The following AP2B1 variants were observed in gnomAD, a reference collection of about 807,000 sequenced individuals.
AP2B1 encodes the protein adaptor related protein complex 2 subunit beta 1.
A neutral mutation model predicts 102.0 loss-of-function variants in AP2B1; 23 were observed. The ratio of observed to expected loss-of-function variants is 0.23; its 90% confidence interval spans 0.16 to 0.32. The LOEUF is 0.32. AP2B1 is among the 10% of genes least tolerant of loss of function. AP2B1 has a pLI of 1.00. For synonymous variants in AP2B1, 381 were observed against 421.2 expected (o/e 0.90, Z 1.17); for missense variants, 541 against 1,157.4 (o/e 0.47, Z 7.73).
intron 5 of AP2B1, among the ~76,000 whole-genome samples, chr17:35,618,750 A>G (rs1469228614): frequency 1.3e-5 from 2 of 152,076 alleles, no homozygotes; most frequent in African/African-American, 4.8e-5. Flanking sequence ...TTCTAACCAT[A>G]CCTACTGTAC....
chr17:35,661,585 TG>T (rs1316284173), intron 14 of AP2B1, among the ~76,000 whole-genome samples: 1 of 152,242 alleles, frequency 6.6e-6, no homozygotes, highest in Non-Finnish European at 1.5e-5. Flanking sequence ...AGAAGTTGAC[TG>T]GAAGTTGAAT....
chr17:35,640,245 T>TA (rs1322712512), intron 11 of AP2B1, among the ~76,000 whole-genome samples: 5 of 133,612 alleles, frequency 3.7e-5, no homozygotes, highest in African/African-American at 1.4e-4. Context: ...TTTTTTTTTT[T>TA]TTTTTTTTTT....
chr17:35,607,969 A>G, intron 4 of AP2B1, 173 bp from the exon 5 acceptor site: 4 of 725,266 alleles, frequency 5.5e-6, no homozygotes, highest in Non-Finnish European at 8.9e-6. Flanking sequence ...ACTCTTAAAT[A>G]GGGCAGCTAA....
intron 18 of AP2B1, among the ~76,000 whole-genome samples, chr17:35,688,831 G>T (rs180880196): frequency 1.3e-5 from 2 of 152,176 alleles, no homozygotes; most frequent in African/African-American, 4.8e-5. Context: ...AGGCATGGTG[G>T]CACACGCCTA....
At chr17:35,634,249 T>G (rs1358072744) in intron 9 of AP2B1, among the ~76,000 whole-genome samples, 1 of 152,262 alleles carries the variant, frequency 6.6e-6, no homozygotes, top group Non-Finnish European at 1.5e-5. Context: ...TTATAGAATT[T>G]CCCACAGTCT....
chr17:35,718,689 A>G (rs2085260675), intron 21 of AP2B1, among the ~76,000 whole-genome samples: 1 of 152,116 alleles, frequency 6.6e-6, no homozygotes, highest in Admixed American at 6.5e-5. Context: ...CTCAATTGGA[A>G]GAAAAAAAGG....
intron 12 of AP2B1, among the ~76,000 whole-genome samples, chr17:35,647,522 C>T (rs2074968267): frequency 6.6e-6 from 1 of 151,928 alleles, no homozygotes; most frequent in Non-Finnish European, 1.5e-5. Context: ...TATACATATA[C>T]ACATACACAC....
chr17:35,679,391 CTT>C (rs76352263), intron 17 of AP2B1, among the ~76,000 whole-genome samples: 1 of 142,810 alleles, frequency 7.0e-6, no homozygotes, highest in African/African-American at 2.6e-5. Context: ...GACTTGCTAC[CTT>C]TTTTTTTTTT....
intron 5 of AP2B1, among the ~76,000 whole-genome samples, chr17:35,614,922 C>G (rs889151083): frequency 1.3e-5 from 2 of 152,256 alleles, no homozygotes; most frequent in East Asian, 3.9e-4. Context: ...GGTTCTCAAC[C>G]AGGAGTGATT....
chr17:35,681,975 T>G (rs587666332), intron 17 of AP2B1, among the ~76,000 whole-genome samples: 2 of 152,270 alleles, frequency 1.3e-5, no homozygotes, highest in South Asian at 2.1e-4. Flanking sequence ...TTAATTGTAT[T>G]AAAAATTTTG....
rs183696454 is a variant in AP2B1, at chr17:35,714,760, C to T, written c.2627-2435C>T. On this transcript the variant is annotated intron_variant, in intron 20 of 21. Coordinates refer to ENST00000610402, the MANE Select transcript of AP2B1 (RefSeq NM_001030006.2). ...AAAAGAAAAGAAATCATATCTTGAA[C>T]GAAGGGTAACTATATTTGACCATCT... Among the ~76,000 whole-genome samples, 13 of 152,206 alleles carry T rather than the reference C, an allele frequency of 8.5e-5. No homozygotes were observed. The East Asian group carries it at 9.6e-4, about 11-fold the overall frequency.
intron 18 of AP2B1, among the ~76,000 whole-genome samples, chr17:35,701,309 T>C (rs2076234990): frequency 6.6e-6 from 1 of 152,168 alleles, no homozygotes; most frequent in Non-Finnish European, 1.5e-5. Flanking sequence ...TACCGGTTGG[T>C]CATGACCCAC....
At chr17:35,645,226 C>T (rs558980962) in intron 12 of AP2B1, among the ~76,000 whole-genome samples, 4 of 152,062 alleles carry the variant, frequency 2.6e-5, no homozygotes, top group Non-Finnish European at 5.9e-5. Flanking sequence ...GCTGCCGAAG[C>T]GAGCACATGT....
At chr17:35,662,143 C>T (rs1030857336) in intron 14 of AP2B1, among the ~76,000 whole-genome samples, 6 of 152,158 alleles carry the variant, frequency 3.9e-5, no homozygotes, top group African/African-American at 1.4e-4. Flanking sequence ...CATACTGTAG[C>T]TCCCCAGGTG....
intron 16 of AP2B1, among the ~76,000 whole-genome samples, chr17:35,672,950 C>T (rs927422661): frequency 6.6e-6 from 1 of 152,174 alleles, no homozygotes; most frequent in African/African-American, 2.4e-5. Flanking sequence ...ATCCTTTGAA[C>T]ATTCCGTGTC....
At chr17:35,709,063 G>A (rs1183588573) in intron 18 of AP2B1, among the ~76,000 whole-genome samples, 161 bp from the exon 19 acceptor site, 1 of 152,154 alleles carries the variant, frequency 6.6e-6, no homozygotes, top group Non-Finnish European at 1.5e-5. Context: ...AAGTAAGGGT[G>A]TGCTTTGCAG....
chr17:35,680,964 A>C (rs2075812535), intron 17 of AP2B1, among the ~76,000 whole-genome samples: 1 of 151,990 alleles, frequency 6.6e-6, no homozygotes, highest in Non-Finnish European at 1.5e-5. Context: ...CAAAGTGCTG[A>C]GACTACAATT....
chr17:35,674,378 C>G, intron 17 of AP2B1, 57 bp downstream of exon 17: 1 of 1,590,858 alleles, frequency 6.3e-7, no homozygotes, highest in Non-Finnish European at 8.6e-7. Flanking sequence ...TTAGAACCAA[C>G]AAGAGAACAT....
At chr17:35,715,710 G>A (rs2076537927) in intron 20 of AP2B1, among the ~76,000 whole-genome samples, 1 of 152,190 alleles carries the variant, frequency 6.6e-6, no homozygotes, top group Non-Finnish European at 1.5e-5. Context: ...AGGGCATATT[G>A]AGGCCCCTTC....
Sources: allele counts gnomAD v4.1 joint callset (sites outside exome capture counted in the v4.1 genomes callset), GRCh38; gene constraint gnomAD v4.1.1; transcripts MANE v1.5; gene names NCBI Gene and HGNC (gene_info 2026-07-23, HGNC 2026-07-21).